Variants in CNTNAP2 observed in about 807,000 individuals in gnomAD.
CNTNAP2 encodes contactin associated protein 2.
A neutral mutation model predicts 155.2 loss-of-function variants in CNTNAP2; 98 were observed. The ratio of observed to expected loss-of-function variants is 0.63; its 90% CI spans 0.54 to 0.75. CNTNAP2 has a LOEUF of 0.75. Among genes scored for constraint, CNTNAP2 ranks in the 30% least tolerant of loss-of-function variants. The pLI, the probability that CNTNAP2 is intolerant of heterozygous loss-of-function variation, is 0.00. For missense variants in CNTNAP2, 1,727 were observed against 1,688.1 expected, an observed-to-expected ratio of 1.02 and a Z score of -0.40; for synonymous variants, 651 against 631.2, an observed-to-expected ratio of 1.03 and a Z score of -0.47.
At chr7:148,198,119 G>T (rs969726712) in intron 18 of CNTNAP2, among the ~76,000 whole-genome samples, 2 of 152,162 alleles carry the variant, frequency 1.3e-5, no homozygotes, top group Admixed American at 1.3e-4. Flanking sequence ...GAAGCCTGAG[G>T]GTGGCTGGTT....
chr7:147,402,578 T>C (rs1335646202), intron 10 of CNTNAP2, among the ~76,000 whole-genome samples: 2 of 152,212 alleles, frequency 1.3e-5, no homozygotes, highest in Non-Finnish European at 2.9e-5. Context: ...ACACTAGGTC[T>C]TCTTTCTCCT....
intron 1 of CNTNAP2, among the ~76,000 whole-genome samples, chr7:146,432,756 G>T (rs2129117314): frequency 6.6e-6 from 1 of 152,270 alleles, no homozygotes; most frequent in South Asian, 2.1e-4. Context: ...AGTGTGAAGA[G>T]CAAAACCAAA....
intron 15 of CNTNAP2, among the ~76,000 whole-genome samples, chr7:148,102,655 C>G (rs934107036): frequency 6.6e-6 from 1 of 152,180 alleles, no homozygotes. Context: ...CCACATTCTG[C>G]TCAATAAATG....
intron 13 of CNTNAP2, among the ~76,000 whole-genome samples, chr7:147,688,381 T>C (rs1796044574): frequency 6.6e-6 from 1 of 152,164 alleles, no homozygotes. Flanking sequence ...GAAAGAGTAC[T>C]TTTCAAATGC....
chr7:147,532,687 T>C (rs548256480), intron 11 of CNTNAP2, among the ~76,000 whole-genome samples: 129 of 152,326 alleles, frequency 8.5e-4, no homozygotes, highest in African/African-American at 2.9e-3. Flanking sequence ...CAGTTTCACA[T>C]GACTGAGGAG....
intron 22 of CNTNAP2, among the ~76,000 whole-genome samples, chr7:148,385,312 ATGT>A (rs1278903119): frequency 1.3e-5 from 2 of 152,228 alleles, no homozygotes; most frequent in African/African-American, 4.8e-5. Flanking sequence ...CCTTTTATGA[ATGT>A]TGTTAAGATT....
chr7:146,959,382 A>G (rs1404306475), intron 3 of CNTNAP2, among the ~76,000 whole-genome samples: 1 of 152,136 alleles, frequency 6.6e-6, no homozygotes, highest in East Asian at 1.9e-4. Context: ...AAACTCAGAT[A>G]CACAATCTAG....
At chr7:146,935,171 C>T (rs561376133) in intron 3 of CNTNAP2, among the ~76,000 whole-genome samples, 1 of 152,218 alleles carries the variant, frequency 6.6e-6, no homozygotes, top group East Asian at 1.9e-4. Flanking sequence ...TTGATGTGAA[C>T]AGCTTTTCCC....
chr7:147,704,736 T>TA (rs201447702), intron 13 of CNTNAP2, among the ~76,000 whole-genome samples: 2,515 of 152,368 alleles, frequency 0.017, 225 homozygotes, highest in Admixed American at 0.15. Context: ...GGAGACTTTT[T>TA]TTACTGATTC....
chr7:148,026,269 T>G (rs1400506489), intron 15 of CNTNAP2, among the ~76,000 whole-genome samples: 2 of 151,978 alleles, frequency 1.3e-5, no homozygotes, highest in African/African-American at 4.8e-5. Flanking sequence ...AGTAATATAG[T>G]GAGGCCTCGT....
At chr7:146,644,551 G>A (rs557238263) in intron 1 of CNTNAP2, among the ~76,000 whole-genome samples, 2 of 152,030 alleles carry the variant, frequency 1.3e-5, no homozygotes, top group Admixed American at 1.3e-4. Context: ...GCTGGATTCG[G>A]TTTGCCAGTA....
intron 4 of CNTNAP2, chr7:147,081,234 G>A (rs1800118165): frequency 6.6e-6 from 1 of 152,020 alleles, no homozygotes; most frequent in South Asian, 2.1e-4. Flanking sequence ...ACACCAACGA[G>A]TGGACAGTGG....
chr7:146,242,369 C>G (rs1165687176), intron 1 of CNTNAP2, among the ~76,000 whole-genome samples: 1 of 152,000 alleles, frequency 6.6e-6, no homozygotes, highest in African/African-American at 2.4e-5. Context: ...GAAACCCCGT[C>G]TCTACTAAAA....
chr7:148,375,270 A>G lies in CNTNAP2; in HGVS notation c.3476-8379A>G, dbSNP rs187362263. 1.1e-3 allele frequency among the ~76,000 whole-genome samples: 166 copies of G among 148,350 alleles called. 1 individual carries two copies. Among genetic ancestry groups the G allele is most frequent in the African/African-American group, 3.8e-3 (155 of 40,908 alleles). On this transcript the variant is annotated intron_variant, in intron 21 of 23. Coordinates refer to ENST00000361727, the MANE Select transcript of CNTNAP2 (RefSeq NM_014141.6). ...ACTATATATAAAACTATATATAGTTACATATATGTATATATACAACTATAT... is the reference window on the plus strand; with the variant it reads ...ACTATATATAAAACTATATATAGTTGCATATATGTATATATACAACTATAT...
At chr7:146,865,424 G>T (rs1795185159) in intron 3 of CNTNAP2, among the ~76,000 whole-genome samples, 1 of 152,034 alleles carries the variant, frequency 6.6e-6, no homozygotes, top group Non-Finnish European at 1.5e-5. Flanking sequence ...TTATAATAAA[G>T]ATAGTCTTGT....
chr7:146,955,470 A>G (rs527346893), intron 3 of CNTNAP2, among the ~76,000 whole-genome samples: 191 of 152,138 alleles, frequency 1.3e-3, no homozygotes, highest in Non-Finnish European at 2.4e-3. Context: ...AATCTTTTCT[A>G]ACCAGAAAAC....
At chr7:147,700,584 A>G (rs1796221836) in intron 13 of CNTNAP2, among the ~76,000 whole-genome samples, 1 of 152,222 alleles carries the variant, frequency 6.6e-6, no homozygotes, top group Non-Finnish European at 1.5e-5. Context: ...GAGTCACAGT[A>G]TGAGTGCTAA....
chr7:146,653,257 C>A (rs117652508), intron 1 of CNTNAP2, among the ~76,000 whole-genome samples: 1 of 152,122 alleles, frequency 6.6e-6, no homozygotes, highest in African/African-American at 2.4e-5. Context: ...GCTAATGATT[C>A]CACAGAGCTA....
intron 1 of CNTNAP2, among the ~76,000 whole-genome samples, chr7:146,532,535 C>T (rs1563122352): frequency 6.6e-6 from 1 of 152,092 alleles, no homozygotes; most frequent in Non-Finnish European, 1.5e-5. Flanking sequence ...AATATGACAT[C>T]TAGCCTCACA....
Sources: gnomAD v4.1 joint callset for allele counts (sites outside exome capture counted in the v4.1 genomes callset) on GRCh38, gnomAD v4.1.1 for gene constraint, MANE v1.5 for transcripts, NCBI Gene and HGNC (gene_info 2026-07-23, HGNC 2026-07-21) for gene names.